The following ZNF254 variants were observed in gnomAD, a reference collection of about 807,000 sequenced individuals.
ZNF254 encodes zinc finger protein 254.
Under a neutral mutation model 12.4 loss-of-function variants are expected in ZNF254, and 10 were observed. The ratio of observed to expected loss-of-function variants is 0.80; its 90% CI spans 0.50 to 1.36. The LOEUF (loss-of-function observed/expected upper bound fraction) is 1.36. ZNF254 is among the 40% of genes most tolerant of loss of function. ZNF254 has a pLI of 0.00. For synonymous variants in ZNF254, 305 were observed against 253.4 expected, an observed-to-expected ratio of 1.20 and a Z score of -1.93; for missense variants, 996 against 763.9, an observed-to-expected ratio of 1.30 and a Z score of -3.58.
At chr19:24,102,444 TC>T (rs1210538519) in intron 1 of ZNF254, among the ~76,000 whole-genome samples, 1 of 151,650 alleles carries the variant, frequency 6.6e-6, no homozygotes, top group Non-Finnish European at 1.5e-5. Flanking sequence ...AAAAAAATAC[TC>T]CCCAGTGGTG....
At chr19:24,107,096 A>T in intron 3 of ZNF254, 1 of 461,178 alleles carries the variant, frequency 2.2e-6, no homozygotes, top group Non-Finnish European at 3.8e-6. Context: ...TCCTGTTTTC[A>T]TTACTGTAGT....
intron 2 of ZNF254, chr19:24,049,564 C>T (rs1405427577): frequency 1.3e-5 from 2 of 152,058 alleles, no homozygotes; most frequent in Non-Finnish European, 2.9e-5. Flanking sequence ...GTAACTATTC[C>T]ACTGCCTTGG....
intron 1 of ZNF254, among the ~76,000 whole-genome samples, chr19:24,097,782 A>AAAAATAAAAT (rs141594384): frequency 0.11 from 16,304 of 143,992 alleles, 1,248 homozygotes; most frequent in Middle Eastern, 0.17. Context: ...ACTCTATCTC[A>AAAAATAAAAT]AAAATAAAAT....
intron 2 of ZNF254, among the ~76,000 whole-genome samples, chr19:24,056,027 GAAT>G (rs1205771486): frequency 6.6e-6 from 1 of 152,142 alleles, no homozygotes; most frequent in African/African-American, 2.4e-5. Flanking sequence ...CCCACAGATG[GAAT>G]AGTGACACAT....
chr19:24,127,539 T>C lies in ZNF254; in HGVS notation c.1539T>C (p.Thr513=). ...STLTTHKIIH[T]GEKPYKCEEC... The stretch of plus-strand genomic sequence containing the variant: ...TTACTACACATAAGATAATTCATAC[T>C]GGAGAGAAACCCTACAAATGTGAAG... Residue 513 remains threonine (T), a synonymous_variant, in exon 4 of 4, where the codon ACT becomes ACC. Coordinates refer to ENST00000357002, the MANE Select transcript of ZNF254 (RefSeq NM_203282.4). 1 of 1,613,716 alleles carries C rather than the reference T, an allele frequency of 6.2e-7. No homozygotes were observed. Among genetic ancestry groups the C allele is most frequent in the Non-Finnish European group, 8.5e-7 (1 of 1,179,878 alleles).
chr19:24,106,775 A>G (rs1429028543), intron 3 of ZNF254, 132 bp downstream of exon 3: 17 of 669,764 alleles, frequency 2.5e-5, no homozygotes, highest in Non-Finnish European at 3.0e-5. Context: ...TTTTTTTTTT[A>G]AATTATACTC....
chr19:24,062,763 A>C, intron 2 of ZNF254, among the ~76,000 whole-genome samples: 1 of 152,162 alleles, frequency 6.6e-6, no homozygotes, highest in African/African-American at 2.4e-5. Context: ...GTTAACCAAA[A>C]TTCAGCACAC....
chr19:24,059,196 A>G (rs1408934167), intron 2 of ZNF254, among the ~76,000 whole-genome samples: 5 of 152,178 alleles, frequency 3.3e-5, no homozygotes, highest in African/African-American at 1.2e-4. Context: ...ATTATGACAT[A>G]TCTCTTGGCC....
chr19:24,112,792 TAAAG>T (rs1973771672), intron 3 of ZNF254, among the ~76,000 whole-genome samples: 1 of 151,008 alleles, frequency 6.6e-6, no homozygotes, highest in African/African-American at 2.4e-5. Context: ...GCAAGACTAA[TAAAG>T]AAAAAAACAT....
chr19:24,116,523 T>C (rs1488302607), intron 3 of ZNF254, among the ~76,000 whole-genome samples: 2 of 152,170 alleles, frequency 1.3e-5, no homozygotes, highest in Non-Finnish European at 1.5e-5. Context: ...CATGTAGTTC[T>C]CAAGCCTTGG....
At position 24,129,025 on chromosome 19, in the gene ZNF254, C is replaced by CT. The variant is rs1308828278; in HGVS notation, c.*1051dup. On this transcript the variant is annotated 3_prime_UTR_variant, in exon 4 of 4. Coordinates refer to ENST00000357002, the MANE Select transcript of ZNF254 (RefSeq NM_203282.4). ...GTTGCTGCATAAAAGATATGAGATTCTTTTTTATTAGGCATTATTTATGAC... is the reference window on the plus strand; with the variant it reads ...GTTGCTGCATAAAAGATATGAGATTCTTTTTTTATTAGGCATTATTTATGAC... 1 of 151,532 alleles carries CT rather than the reference C, an allele frequency of 6.6e-6. No homozygotes were observed. Among genetic ancestry groups the CT allele is most frequent in the Non-Finnish European group, 1.5e-5 (1 of 67,792 alleles). The allele number at this position is 151,532 out of a possible 1,614,324, so 9.4% of individuals were successfully genotyped here. A position where few individuals can be genotyped will look rare whatever the true frequency, so the allele number is the denominator to read the frequency against.
intron 1 of ZNF254, among the ~76,000 whole-genome samples, chr19:24,045,530 G>T (rs931146681): frequency 1.3e-5 from 2 of 151,918 alleles, no homozygotes; most frequent in African/African-American, 2.4e-5. Flanking sequence ...TTAGCTGGGC[G>T]TGGTGGCGGC....
chr19:24,124,486 T>C, intron 3 of ZNF254, among the ~76,000 whole-genome samples: 1 of 152,178 alleles, frequency 6.6e-6, no homozygotes, highest in East Asian at 1.9e-4. Context: ...AATCATGTTA[T>C]TTTCAGTAGA....
chr19:24,077,769 A>T (rs533258084), intron 2 of ZNF254, among the ~76,000 whole-genome samples: 1 of 151,976 alleles, frequency 6.6e-6, no homozygotes, highest in African/African-American at 2.4e-5. Context: ...TGGTCTTGTG[A>T]TACAGGGTGT....
chr19:24,125,217 T>G (rs562080269), intron 3 of ZNF254, among the ~76,000 whole-genome samples: 1 of 151,410 alleles, frequency 6.6e-6, no homozygotes, highest in South Asian at 2.1e-4. Flanking sequence ...TTTTTATTTT[T>G]ACATCTTTTT....
chr19:24,084,412 A>G (rs189662027), upstream of ZNF254, among the ~76,000 whole-genome samples: 450 of 152,058 alleles, frequency 3.0e-3, 3 homozygotes, highest in African/African-American at 0.011. Flanking sequence ...TGGCAAGGGT[A>G]GGAGAAGAGT....
chr19:24,109,804 C>T (rs1275443942), intron 3 of ZNF254, among the ~76,000 whole-genome samples: 5 of 150,236 alleles, frequency 3.3e-5, no homozygotes, highest in Admixed American at 1.3e-4. Context: ...CTGCAACTTC[C>T]TCCACCTCTC....
In ZNF254 at chr19:24,098,004, GC is replaced by G. The variant is rs564967677; in HGVS notation, c.31-7934del. Among the ~76,000 whole-genome samples the G allele has an allele frequency of 2.8e-3, 426 of 152,066 alleles. 2 individuals carry two copies. The highest frequency in any genetic ancestry group is 0.024 in the South Asian group (118 of 4,828). On this transcript the variant is annotated intron_variant, in intron 1 of 3. Transcript: ENST00000357002. Reference sequence around the variant, plus strand: ...TATTTTCTACAATAGTATGAATAAAGCCATAATATTTACTTTAAATGAATTC... The same window carrying G: ...TATTTTCTACAATAGTATGAATAAAGCATAATATTTACTTTAAATGAATTC...
chr19:24,054,161 C>T (rs1368650166), intron 2 of ZNF254, among the ~76,000 whole-genome samples: 2 of 152,138 alleles, frequency 1.3e-5, no homozygotes, highest in Non-Finnish European at 2.9e-5. Flanking sequence ...GGTGATGTGA[C>T]TCTGTTGCCT....
Sources: gnomAD v4.1 joint callset for allele counts (sites outside exome capture counted in the v4.1 genomes callset) on GRCh38, gnomAD v4.1.1 for gene constraint, MANE v1.5 for transcripts, NCBI Gene and HGNC (gene_info 2026-07-23, HGNC 2026-07-21) for gene names.